Variants in UBE4B observed in about 807,000 individuals in gnomAD.
UBE4B encodes the protein ubiquitin conjugation factor E4 B.
A neutral mutation model predicts 148.1 loss-of-function variants in UBE4B; 27 were observed. The observed-to-expected ratio is 0.18, with a 90% CI of 0.13 to 0.25. The LOEUF (loss-of-function observed/expected upper bound fraction) is 0.25. UBE4B is among the 10% of genes least tolerant of loss of function. UBE4B has a pLI of 1.00. For synonymous variants in UBE4B, 596 were observed against 619.3 expected (o/e 0.96, Z 0.56); for missense variants, 1,170 against 1,662.4 (o/e 0.70, Z 5.15).
chr1:10,094,584 C>A (rs1248387510), intron 2 of UBE4B, among the ~76,000 whole-genome samples: 2 of 151,074 alleles, frequency 1.3e-5, no homozygotes, highest in Non-Finnish European at 2.9e-5. Flanking sequence ...CAGGCGCCCG[C>A]CACCACGCCC....
intron 2 of UBE4B, among the ~76,000 whole-genome samples, chr1:10,086,686 G>A (rs976198248): frequency 6.6e-6 from 1 of 151,922 alleles, no homozygotes. Context: ...GTGGGATAAG[G>A]TTCCCTCTCT....
intron 1 of UBE4B, among the ~76,000 whole-genome samples, chr1:10,062,895 G>A (rs1159279801): frequency 6.6e-6 from 1 of 151,160 alleles, no homozygotes; most frequent in Non-Finnish European, 1.5e-5. Context: ...GGCGGAGGTT[G>A]CAGTGATCCG....
chr1:10,054,724 C>G lies in UBE4B; in HGVS notation c.25-17304C>G, dbSNP rs576791829. On this transcript the variant is annotated intron_variant, in intron 1 of 27. Transcript: ENST00000343090. ...TCCAGTCTAGCCATGGTAACACTTG[C>G]GGGGCATTTTTTTTGGAACAGTACC... 6 of 236,798 alleles carry G rather than the reference C, an allele frequency of 2.5e-5. No individual in the cohort carries two copies. In the South Asian group the frequency reaches 3.9e-4, roughly 15 times the overall value. The allele number at this position is 236,798 out of a possible 1,614,324, so 14.7% of individuals were successfully genotyped here. A position where few individuals can be genotyped will look rare whatever the true frequency, so the allele number is the denominator to read the frequency against.
At chr1:10,147,810 C>G (rs951516689) in intron 19 of UBE4B, among the ~76,000 whole-genome samples, 2 of 152,160 alleles carry the variant, frequency 1.3e-5, no homozygotes, top group African/African-American at 4.8e-5. Flanking sequence ...CTGGTCATCT[C>G]CTCCAGGCAA....
At chr1:10,179,344 G>A in intron 26 of UBE4B, 72 bp from the exon 27 acceptor site, 1 of 1,570,180 alleles carries the variant, frequency 6.4e-7, no homozygotes, top group African/African-American at 1.4e-5. Context: ...TTCGCTGGTA[G>A]AACGGGCTTT....
intron 1 of UBE4B, among the ~76,000 whole-genome samples, chr1:10,060,836 T>C (rs1305325376): frequency 2.6e-5 from 4 of 152,066 alleles, no homozygotes; most frequent in Non-Finnish European, 5.9e-5. Flanking sequence ...TGTAGCTCAC[T>C]AGGCTCAAGT....
chr1:10,071,031 T>A (rs1193529735), intron 1 of UBE4B, among the ~76,000 whole-genome samples: 2 of 152,088 alleles, frequency 1.3e-5, no homozygotes, highest in Non-Finnish European at 2.9e-5. Flanking sequence ...TTCTCCTGCC[T>A]CAGTAGCTGG....
intron 1 of UBE4B, among the ~76,000 whole-genome samples, chr1:10,035,395 T>TG (rs1468929424): frequency 1.5e-5 from 2 of 133,244 alleles, no homozygotes; most frequent in African/African-American, 5.7e-5. Context: ...TACTGTTTTT[T>TG]TTTTTTTTTT....
At chr1:10,103,465 A>C (rs1213418200) in intron 5 of UBE4B, among the ~76,000 whole-genome samples, 1 of 149,866 alleles carries the variant, frequency 6.7e-6, no homozygotes, top group African/African-American at 2.5e-5. Flanking sequence ...ATGGAATCTC[A>C]CCCTATCACC....
intron 21 of UBE4B, among the ~76,000 whole-genome samples, chr1:10,154,941 T>A (rs1252001890): frequency 6.6e-6 from 1 of 152,222 alleles, no homozygotes; most frequent in Non-Finnish European, 1.5e-5. Flanking sequence ...TTTTTATTTT[T>A]ATTTTATTAT....
At chr1:10,125,232 C>G (rs575913864) in intron 10 of UBE4B, among the ~76,000 whole-genome samples, 1 of 152,220 alleles carries the variant, frequency 6.6e-6, no homozygotes. Context: ...TTACTTGTAG[C>G]CTCCCTAAAA....
chr1:10,097,294 G>T (rs1188275138), intron 3 of UBE4B, among the ~76,000 whole-genome samples: 1 of 151,960 alleles, frequency 6.6e-6, no homozygotes, highest in South Asian at 2.1e-4. Flanking sequence ...ATCTAGGATT[G>T]AAATTTCTGG....
In UBE4B at chr1:10,033,123, T is replaced by G. The variant is rs1195150873; in HGVS notation, c.-548T>G. 6.6e-6 allele frequency: 1 copy of G among 152,474 alleles called. No homozygotes were observed. The highest frequency in any genetic ancestry group is 1.5e-5 in the Non-Finnish European group (1 of 68,318). 9.4% of individuals were successfully genotyped at this position (152,474 alleles called of 1,614,324 possible). On this transcript the variant is annotated 5_prime_UTR_variant, in exon 1 of 28. Transcript: ENST00000343090. ...CGGGCTCCGGCGTGGAGGCGGGGCG[T>G]GGCCGGCCTGCTTTGGGAGGGGAGG...
rs59843720 is a variant in UBE4B at position 10,055,410 on chromosome 1, G to A, written c.25-16618G>A. On this transcript the variant is annotated intron_variant, in intron 1 of 27. Coordinates refer to ENST00000343090, the MANE Select transcript of UBE4B (RefSeq NM_001105562.3). ...GCTCACTGTAGCCTTGAACTCCTGG[G>A]CTCCGGTGATCCTCCTGTCTTAGCC... Among the ~76,000 whole-genome samples the A allele has an allele frequency of 8.0e-3, 1,214 of 152,006 alleles. 12 individuals are homozygous for A. The highest frequency in any genetic ancestry group is 0.027 in the African/African-American group (1,119 of 41,444).
intron 10 of UBE4B, among the ~76,000 whole-genome samples, chr1:10,125,577 A>C (rs951034645): frequency 6.6e-6 from 1 of 152,230 alleles, no homozygotes; most frequent in Admixed American, 6.5e-5. Flanking sequence ...GAATTTTTCA[A>C]GTTTTCTAGT....
At chr1:10,090,401 G>C (rs1017799079) in intron 2 of UBE4B, among the ~76,000 whole-genome samples, 1 of 151,584 alleles carries the variant, frequency 6.6e-6, no homozygotes, top group Admixed American at 6.6e-5. Context: ...AATTATAGGC[G>C]TGAGCCACCA....
At chr1:10,156,247 T>G (rs1228281944) in intron 21 of UBE4B, among the ~76,000 whole-genome samples, 1 of 149,386 alleles carries the variant, frequency 6.7e-6, no homozygotes, top group Non-Finnish European at 1.5e-5. Flanking sequence ...TTCTTTTTTT[T>G]TTTTTTTTTT....
At chr1:10,067,456 A>G (rs959154621) in intron 1 of UBE4B, among the ~76,000 whole-genome samples, 2 of 152,140 alleles carry the variant, frequency 1.3e-5, no homozygotes, top group Non-Finnish European at 2.9e-5. Flanking sequence ...AAAGGAGATT[A>G]TGCCAGTCCT....
At chr1:10,083,055 C>T (rs571975951) in intron 2 of UBE4B, among the ~76,000 whole-genome samples, 46 of 152,100 alleles carry the variant, frequency 3.0e-4, no homozygotes, top group Non-Finnish European at 5.4e-4. Context: ...AATCTATCAT[C>T]GATGGGCATT....
Sources: gnomAD v4.1 joint callset for allele counts (sites outside exome capture counted in the v4.1 genomes callset) on GRCh38, gnomAD v4.1.1 for gene constraint, MANE v1.5 for transcripts, NCBI Gene and HGNC (gene_info 2026-07-23, HGNC 2026-07-21) for gene names.